PXDNL: variants seen among roughly 807,000 people sequenced by gnomAD.
The protein encoded by PXDNL is peroxidasin like, also known as probable oxidoreductase PXDNL.
Under a neutral mutation model 150.8 loss-of-function variants are expected in PXDNL, and 145 were observed. The ratio of observed to expected loss-of-function variants is 0.96; its 90% CI spans 0.84 to 1.10. The LOEUF (loss-of-function observed/expected upper bound fraction) is 1.10, where lower values mean the gene tolerates loss of function less well. PXDNL is among the 50% of genes least tolerant of loss of function. The probability of loss-of-function intolerance (pLI) is 0.00; values close to 1 mark genes in which losing one functional copy is unlikely to be tolerated. For synonymous variants in PXDNL, 757 were observed against 725.7 expected (o/e 1.04, Z -0.69); for missense variants, 2,087 against 1,873.9 (o/e 1.11, Z -2.10).
chr8:51,331,679 A>ATGGG (rs1805693629), intron 21 of PXDNL, among the ~76,000 whole-genome samples: 1 of 152,054 alleles, frequency 6.6e-6, no homozygotes, highest in African/African-American at 2.4e-5. Context: ...TTCGGTTTGC[A>ATGGG]TGGGAGCTGG....
chr8:51,422,120 C>T (rs971648254), intron 14 of PXDNL, among the ~76,000 whole-genome samples: 4 of 151,720 alleles, frequency 2.6e-5, no homozygotes, highest in African/African-American at 9.7e-5. Context: ...AATCTAATGC[C>T]TGATGATCTG....
At chr8:51,350,377 G>A (rs1187127009) in intron 19 of PXDNL, among the ~76,000 whole-genome samples, 2 of 9,156 alleles carry the variant, frequency 2.2e-4, no homozygotes, top group Non-Finnish European at 5.5e-4. Context: ...TTTTTTTTTT[G>A]AGAGGGAGTT....
intron 17 of PXDNL, among the ~76,000 whole-genome samples, chr8:51,403,780 A>G (rs1395876492): frequency 6.6e-6 from 1 of 152,176 alleles, no homozygotes; most frequent in Non-Finnish European, 1.5e-5. Context: ...TGGTATTAAT[A>G]AGCGGGGCCT....
chr8:51,652,925 A>G (rs1430874593), intron 2 of PXDNL, among the ~76,000 whole-genome samples: 1 of 152,220 alleles, frequency 6.6e-6, no homozygotes. Flanking sequence ...GTAACTCCAA[A>G]AAGTGGCCAA....
At chr8:51,609,701 G>T (rs990902462) in intron 2 of PXDNL, among the ~76,000 whole-genome samples, 1 of 152,194 alleles carries the variant, frequency 6.6e-6, no homozygotes, top group Non-Finnish European at 1.5e-5. Context: ...CTCAGGAAGA[G>T]TTAAAGGGAA....
chr8:51,391,230 G>A (rs539222852), intron 17 of PXDNL, among the ~76,000 whole-genome samples: 2 of 152,118 alleles, frequency 1.3e-5, no homozygotes, highest in African/African-American at 4.8e-5. Context: ...ATAGCAGCAT[G>A]ATTTATAGTC....
chr8:51,728,864 C>A (rs1026396018), intron 1 of PXDNL, among the ~76,000 whole-genome samples: 2 of 152,136 alleles, frequency 1.3e-5, no homozygotes, highest in Non-Finnish European at 1.5e-5. Flanking sequence ...TGTCCTAGGC[C>A]TTCACATTTA....
At chr8:51,350,596 C>A (rs897033182) in intron 19 of PXDNL, among the ~76,000 whole-genome samples, 3 of 151,956 alleles carry the variant, frequency 2.0e-5, no homozygotes, top group African/African-American at 7.3e-5. Context: ...CTCAGGTGAT[C>A]CGCCCACCTC....
chr8:51,470,572 T>C (rs1244480301), intron 8 of PXDNL, among the ~76,000 whole-genome samples: 1 of 152,110 alleles, frequency 6.6e-6, no homozygotes, highest in African/African-American at 2.4e-5. Flanking sequence ...TTGAATTGTA[T>C]TAGGTATATA....
At chr8:51,495,106 A>C (rs1181794640) in intron 5 of PXDNL, among the ~76,000 whole-genome samples, 1 of 152,098 alleles carries the variant, frequency 6.6e-6, no homozygotes, top group Non-Finnish European at 1.5e-5. Context: ...CAATCAAACT[A>C]GAACCCAGGA....
chr8:51,786,587 C>T (rs181143112), intron 1 of PXDNL, among the ~76,000 whole-genome samples: 193 of 148,298 alleles, frequency 1.3e-3, no homozygotes, highest in Admixed American at 2.1e-3. Context: ...CATTTCTGTG[C>T]CCTGGGAAGA....
chr8:51,654,606 C>G, intron 2 of PXDNL, 83 bp downstream of exon 2: 2 of 1,017,722 alleles, frequency 2.0e-6, no homozygotes, highest in Non-Finnish European at 3.0e-6. Context: ...CTGTTCTTGA[C>G]ACTCAGAATG....
intron 2 of PXDNL, among the ~76,000 whole-genome samples, chr8:51,605,975 G>A (rs140845188): frequency 0.011 from 1,735 of 152,266 alleles, 14 homozygotes; most frequent in South Asian, 0.026. Flanking sequence ...CTAGTGCCAT[G>A]CACTCGGACT....
intron 3 of PXDNL, among the ~76,000 whole-genome samples, chr8:51,581,025 G>A (rs75609668): frequency 0.051 from 7,828 of 152,204 alleles, 474 homozygotes; most frequent in African/African-American, 0.15. Context: ...TTACCCTAGT[G>A]AGTAGGCAAC....
intron 17 of PXDNL, among the ~76,000 whole-genome samples, chr8:51,405,366 G>T (rs1808409594): frequency 6.6e-6 from 1 of 152,196 alleles, no homozygotes; most frequent in South Asian, 2.1e-4. Flanking sequence ...CCTCATTAAA[G>T]TTATTAATGA....
intron 1 of PXDNL, among the ~76,000 whole-genome samples, chr8:51,752,563 A>G (rs375451660): frequency 6.6e-6 from 1 of 152,158 alleles, no homozygotes; most frequent in African/African-American, 2.4e-5. Context: ...TATTTAATAC[A>G]GATCATGTAT....
intron 4 of PXDNL, among the ~76,000 whole-genome samples, chr8:51,548,136 C>T (rs1037716896): frequency 6.8e-6 from 1 of 147,192 alleles, no homozygotes; most frequent in Non-Finnish European, 1.5e-5. Flanking sequence ...CCCAACCTGA[C>T]AAAGACAAAG....
chr8:51,344,293 A>C (rs1295056185), intron 20 of PXDNL, among the ~76,000 whole-genome samples: 1 of 152,008 alleles, frequency 6.6e-6, no homozygotes, highest in Admixed American at 6.6e-5. Context: ...AAAAAAAAAA[A>C]AACTTTTTTA....
intron 1 of PXDNL, among the ~76,000 whole-genome samples, chr8:51,691,080 G>A (rs1011826782): frequency 1.3e-5 from 2 of 152,188 alleles, no homozygotes; most frequent in Admixed American, 1.3e-4. Flanking sequence ...CCCTTTGTCA[G>A]ATGAGCAGGT....
Sources: allele counts gnomAD v4.1 joint callset (sites outside exome capture counted in the v4.1 genomes callset), GRCh38; gene constraint gnomAD v4.1.1; transcripts MANE v1.5; gene names NCBI Gene and HGNC (gene_info 2026-07-23, HGNC 2026-07-21).